TBL1X: variants seen among roughly 807,000 people sequenced by gnomAD.
TBL1X encodes transducin beta like 1 X-linked.
In TBL1X, 10 loss-of-function variants were observed where a neutral mutation model predicts 50.7. That is an observed-to-expected ratio of 0.20 (90% CI 0.12 to 0.33). The LOEUF (loss-of-function observed/expected upper bound fraction) is 0.33. TBL1X is among the 10% of genes least tolerant of loss of function. TBL1X has a pLI of 1.00. For missense variants in TBL1X, 340 were observed against 504.4 expected, an observed-to-expected ratio of 0.67 and a Z score of 3.12; for synonymous variants, 190 against 214.7, an observed-to-expected ratio of 0.88 and a Z score of 1.01.
intron 1 of TBL1X, among the ~76,000 whole-genome samples, chrX:9,482,788 T>C (rs902133795): frequency 9.0e-6 from 1 of 111,225 alleles, no homozygotes; most frequent in African/African-American, 3.3e-5. Context: ...GCAAAAGTTA[T>C]ATCAGTGAGA....
intron 5 of TBL1X, among the ~76,000 whole-genome samples, chrX:9,683,725 C>T (rs955592004): frequency 9.0e-6 from 1 of 111,256 alleles, no homozygotes; most frequent in African/African-American, 3.3e-5. Flanking sequence ...ACAGAAATGT[C>T]CAACCGGGGC....
Position 9,695,013 on chromosome X carries a change from C to T in TBL1X, c.1053+1594C>T, listed in dbSNP as rs187306316. Among the ~76,000 whole-genome samples, 12 of 109,986 alleles carry T rather than the reference C, an allele frequency of 1.1e-4. No individual in the cohort carries two copies. In the East Asian group the frequency reaches 3.4e-3, roughly 31 times the overall value. ...AAATAAATAAAATGATAGACTTGAC[C>T]TCTGAACATCATCCCACTTTGGGAG... is the stretch of plus-strand genomic sequence containing the variant. On this transcript the variant is annotated intron_variant, in intron 11 of 17. Coordinates refer to ENST00000645353, the MANE Select transcript of TBL1X (RefSeq NM_005647.4).
intron 2 of TBL1X, among the ~76,000 whole-genome samples, chrX:9,545,693 C>T (rs2146986041): frequency 9.0e-6 from 1 of 111,041 alleles, no homozygotes; most frequent in South Asian, 3.9e-4. Context: ...TCCCTTCACT[C>T]CATGGATGTG....
intron 2 of TBL1X, among the ~76,000 whole-genome samples, chrX:9,619,889 ACACGTAAAT>A (rs1253796728): frequency 1.3e-4 from 15 of 112,404 alleles, no homozygotes; most frequent in East Asian, 1.1e-3. Context: ...GCTGCTGTGC[ACACGTAAAT>A]CAGTGTCTGG....
In TBL1X at chrX:9,717,659, G is replaced by A. The variant is rs966700520; in HGVS notation, c.*1413G>A. Reference sequence around the variant, plus strand: ...CCGACTGCTCGGCTGGATTAGGCGTGTTGGCTACATCTTTCCCACAACCGT... The same window carrying A: ...CCGACTGCTCGGCTGGATTAGGCGTATTGGCTACATCTTTCCCACAACCGT... On this transcript the variant is annotated 3_prime_UTR_variant, in exon 18 of 18. Coordinates refer to ENST00000645353, the MANE Select transcript of TBL1X (RefSeq NM_005647.4). 1 of 112,785 alleles carries A rather than the reference G, an allele frequency of 8.9e-6. No homozygotes were observed. 9.3% of individuals were successfully genotyped at this position (112,785 alleles called of 1,213,427 possible). A position where few individuals can be genotyped will look rare whatever the true frequency, so the allele number is the denominator to read the frequency against.
chrX:9,547,927 C>T (rs1175071633), intron 2 of TBL1X, among the ~76,000 whole-genome samples: 1 of 96,909 alleles, frequency 1.0e-5, no homozygotes, highest in Non-Finnish European at 2.0e-5. Context: ...TATCACGCTT[C>T]TGTAGTGAGA....
intron 2 of TBL1X, among the ~76,000 whole-genome samples, chrX:9,631,251 C>G (rs6640465): frequency 1.8e-5 from 2 of 111,605 alleles, no homozygotes; most frequent in African/African-American, 6.5e-5. Flanking sequence ...AGTATTCAGC[C>G]TGGTACCCAA....
intron 2 of TBL1X, among the ~76,000 whole-genome samples, chrX:9,624,914 A>C (rs1357077959): frequency 8.9e-6 from 1 of 112,303 alleles, no homozygotes; most frequent in Non-Finnish European, 1.9e-5. Context: ...TTTTTTTCTC[A>C]TCTGACCTTT....
At chrX:9,537,932 T>C (rs1193462183) in intron 2 of TBL1X, among the ~76,000 whole-genome samples, 2 of 111,653 alleles carry the variant, frequency 1.8e-5, no homozygotes, top group Non-Finnish European at 3.8e-5. Context: ...GGGGCCTTGG[T>C]GAGAGCCAGA....
intron 1 of TBL1X, among the ~76,000 whole-genome samples, chrX:9,480,200 C>T (rs754106450): frequency 4.5e-5 from 5 of 111,806 alleles, no homozygotes; most frequent in South Asian, 3.7e-4. Context: ...GTGATCTACC[C>T]GCCTCGGCCT....
intron 2 of TBL1X, among the ~76,000 whole-genome samples, chrX:9,566,467 C>T (rs2082352000): frequency 8.9e-6 from 1 of 111,833 alleles, no homozygotes; most frequent in African/African-American, 3.3e-5. Flanking sequence ...GTTTGGAATC[C>T]TCTGGCACTG....
chrX:9,531,394 T>TGTGTGTGTGTGTTG (rs2082160689), intron 2 of TBL1X, among the ~76,000 whole-genome samples: 1 of 106,617 alleles, frequency 9.4e-6, no homozygotes, highest in Non-Finnish European at 1.9e-5. Context: ...TGTGTGTGTG[T>TGTGTGTGTGTGTTG]GTGTGTGTTG....
intron 2 of TBL1X, among the ~76,000 whole-genome samples, chrX:9,610,244 G>A (rs1434263461): frequency 8.9e-6 from 1 of 112,558 alleles, no homozygotes; most frequent in Non-Finnish European, 1.9e-5. Flanking sequence ...AAGAGCATGC[G>A]GAGGCTGCTC....
intron 2 of TBL1X, among the ~76,000 whole-genome samples, chrX:9,558,541 A>AT (rs1448477922): frequency 8.0e-4 from 86 of 107,023 alleles, no homozygotes; most frequent in East Asian, 1.2e-3. Context: ...AGGAAAAAAA[A>AT]ATATATATAT....
intron 1 of TBL1X, among the ~76,000 whole-genome samples, chrX:9,477,632 G>A (rs1351665112): frequency 8.9e-6 from 1 of 112,226 alleles, no homozygotes; most frequent in Non-Finnish European, 1.9e-5. Context: ...GAACTCTTGA[G>A]TCTGACTTAA....
At chrX:9,700,086 A>G (rs2083159877) in intron 12 of TBL1X, among the ~76,000 whole-genome samples, 1 of 112,209 alleles carries the variant, frequency 8.9e-6, no homozygotes, top group African/African-American at 3.2e-5. Flanking sequence ...TCCATGCCAG[A>G]CACTTGCTAC....
chrX:9,688,248 G>T lies in TBL1X; in HGVS notation c.589G>T (p.Gly197Trp). 8.4e-7 allele frequency: 1 copy of T among 1,196,669 alleles called. No homozygotes were observed. The highest frequency in any genetic ancestry group is 1.1e-6 in the Non-Finnish European group (1 of 887,338). The change falls in exon 7 of 18, where the codon GGG (glycine) becomes TGG (tryptophan). Residue 197 changes from glycine (G) to tryptophan (W), a missense_variant. Around this residue, in one of 6 missense-constraint regions of TBL1X, gnomAD observed 99 missense variants for 93.3 expected, o/e 1.06. Transcript: ENST00000645353. ...PSKNREATVN[G>W]EENRAHSVNN... The stretch of plus-strand genomic sequence containing the variant: ...GAAGAACAGAGAGGCCACGGTGAAT[G>T]GGGAAGAGAACAGAGCACATTCAGT...
rs761777297 is a variant in TBL1X at position 9,472,849 on chromosome X, C to CT, written c.-201+7404dup. Among the ~76,000 whole-genome samples the CT allele has an allele frequency of 5.5e-5, 6 of 109,526 alleles. No individual in the cohort carries two copies. The South Asian group carries it at 2.4e-3, about 43-fold the overall frequency. Reference sequence around the variant, plus strand: ...AATGGCGTGAACCATGGAGGTGGAGCTTGCAGTGAGCCAAGATTGCGCCAC... The same window carrying CT: ...AATGGCGTGAACCATGGAGGTGGAGCTTTGCAGTGAGCCAAGATTGCGCCAC... On this transcript the variant is annotated intron_variant, in intron 1 of 17. Coordinates refer to ENST00000645353, the MANE Select transcript of TBL1X (RefSeq NM_005647.4).
intron 8 of TBL1X, 87 bp from the exon 9 acceptor site, chrX:9,692,026 A>G: frequency 7.8e-6 from 9 of 1,159,110 alleles, no homozygotes; most frequent in Non-Finnish European, 1.1e-5. Context: ...TGTGCTGAAG[A>G]TGCCCTCTGG....
Sources: gnomAD v4.1 joint callset for allele counts (sites outside exome capture counted in the v4.1 genomes callset) on GRCh38, gnomAD v4.1.1 for gene constraint, gnomAD v4.1.1 regional missense constraint, MANE v1.5 for transcripts, NCBI Gene and HGNC (gene_info 2026-07-23, HGNC 2026-07-21) for gene names.